Variants in GRID2 observed in about 807,000 individuals in gnomAD.
GRID2 encodes the protein glutamate receptor ionotropic, delta-2.
A neutral mutation model predicts 114.8 loss-of-function variants in GRID2; 33 were observed. The ratio of observed to expected loss-of-function variants is 0.29; its 90% confidence interval spans 0.22 to 0.38. GRID2 has a LOEUF of 0.38. Ranked by LOEUF, GRID2 falls within the 10% of genes least tolerant of loss-of-function variation. The probability of loss-of-function intolerance (pLI) is 1.00; values close to 1 mark genes in which losing one functional copy is unlikely to be tolerated. For synonymous variants in GRID2, 505 were observed against 449.9 expected (o/e 1.12, Z -1.55); for missense variants, 1,184 against 1,257.7 (o/e 0.94, Z 0.89).
intron 1 of GRID2, among the ~76,000 whole-genome samples, chr4:92,519,601 T>TTATA (rs141787614): frequency 4.0e-5 from 6 of 149,558 alleles, no homozygotes; most frequent in East Asian, 3.9e-4. Flanking sequence ...ATATATGAGA[T>TTATA]TATATATATA....
chr4:93,009,412 G>A (rs192299398), intron 2 of GRID2, among the ~76,000 whole-genome samples: 1 of 152,242 alleles, frequency 6.6e-6, no homozygotes, highest in Admixed American at 6.5e-5. Flanking sequence ...TCACCATCAG[G>A]AGGAGACCAC....
intron 3 of GRID2, among the ~76,000 whole-genome samples, chr4:93,106,208 C>G (rs528148849): frequency 1.3e-5 from 2 of 152,244 alleles, no homozygotes; most frequent in African/African-American, 4.8e-5. Flanking sequence ...AGGTCAGGAA[C>G]CATATATTCT....
intron 2 of GRID2, among the ~76,000 whole-genome samples, chr4:92,766,732 T>C (rs555013291): frequency 2.0e-4 from 30 of 152,306 alleles, no homozygotes; most frequent in African/African-American, 6.7e-4. Context: ...TTACTGAAGA[T>C]GCAGTTTCAT....
intron 2 of GRID2, among the ~76,000 whole-genome samples, chr4:92,673,503 T>C (rs1733176372): frequency 6.6e-6 from 1 of 152,228 alleles, no homozygotes; most frequent in Non-Finnish European, 1.5e-5. Flanking sequence ...TTTTAAGTTA[T>C]TTCCCTCTAC....
At chr4:93,072,278 A>C (rs1448121318) in intron 2 of GRID2, among the ~76,000 whole-genome samples, 1 of 152,196 alleles carries the variant, frequency 6.6e-6, no homozygotes, top group East Asian at 1.9e-4. Flanking sequence ...GACAGAACAC[A>C]AAACAGTCTG....
chr4:92,521,337 T>A (rs969193955), intron 1 of GRID2, among the ~76,000 whole-genome samples: 2 of 151,894 alleles, frequency 1.3e-5, no homozygotes, highest in African/African-American at 4.8e-5. Context: ...AACAAACAAG[T>A]ATAAAAACTA....
chr4:93,167,081 G>C (rs756671169), intron 4 of GRID2, among the ~76,000 whole-genome samples: 1 of 152,156 alleles, frequency 6.6e-6, no homozygotes, highest in Non-Finnish European at 1.5e-5. Flanking sequence ...GAGAGGTAGT[G>C]AAAGTGACAG....
At chr4:93,286,690 TGGGG>T (rs1249965684) in intron 8 of GRID2, among the ~76,000 whole-genome samples, 3,951 of 49,646 alleles carry the variant, frequency 0.08, 181 homozygotes, top group African/African-American at 0.23. Flanking sequence ...TGTGTGTGTG[TGGGG>T]GTGTGTGTGT....
chr4:92,929,383 A>T (rs962658917), intron 2 of GRID2, among the ~76,000 whole-genome samples: 1 of 150,786 alleles, frequency 6.6e-6, no homozygotes, highest in Non-Finnish European at 1.5e-5. Context: ...TATTTTGATT[A>T]AAAAAATTAT....
At chr4:92,390,985 T>C (rs1004431601) in intron 1 of GRID2, among the ~76,000 whole-genome samples, 2 of 152,176 alleles carry the variant, frequency 1.3e-5, no homozygotes, top group Non-Finnish European at 2.9e-5. Context: ...CCAGAGATTA[T>C]TGGATTCAAC....
At chr4:93,526,677 C>T (rs1322727832) in intron 13 of GRID2, among the ~76,000 whole-genome samples, 18 of 152,162 alleles carry the variant, frequency 1.2e-4, no homozygotes, top group African/African-American at 3.9e-4. Flanking sequence ...GGTGTGGTGG[C>T]GCATGCCTGT....
chr4:92,748,222 A>G (rs1737252426), intron 2 of GRID2, among the ~76,000 whole-genome samples: 1 of 152,184 alleles, frequency 6.6e-6, no homozygotes, highest in Non-Finnish European at 1.5e-5. Context: ...GAAAAATATA[A>G]CAGCTAAGGT....
At chr4:93,146,261 A>G (rs920793889) in intron 4 of GRID2, among the ~76,000 whole-genome samples, 3 of 152,190 alleles carry the variant, frequency 2.0e-5, no homozygotes, top group African/African-American at 7.2e-5. Flanking sequence ...TAATAGTGAC[A>G]TCGAGAGTTA....
chr4:93,299,718 A>T (rs903590347), intron 8 of GRID2, among the ~76,000 whole-genome samples: 9 of 152,002 alleles, frequency 5.9e-5, no homozygotes, highest in African/African-American at 1.9e-4. Flanking sequence ...TATATATAAA[A>T]AAAGGATTAA....
At chr4:93,547,388 C>T (rs1195362178) in intron 13 of GRID2, among the ~76,000 whole-genome samples, 1 of 152,074 alleles carries the variant, frequency 6.6e-6, no homozygotes, top group African/African-American at 2.4e-5. Flanking sequence ...ACATTTAATC[C>T]AGTAAATTTT....
intron 1 of GRID2, 137 bp downstream of exon 1, chr4:92,304,881 T>A (rs1725295231): frequency 1.4e-6 from 1 of 695,738 alleles, no homozygotes; most frequent in Non-Finnish European, 2.6e-6. Flanking sequence ...CCCGCTACCC[T>A]TCCCTCACAC....
At chr4:92,448,785 C>T in intron 1 of GRID2, among the ~76,000 whole-genome samples, 1 of 151,774 alleles carries the variant, frequency 6.6e-6, no homozygotes, top group South Asian at 2.1e-4. Context: ...AAAGCATAAA[C>T]ACATTTAAAT....
At chr4:93,418,147 C>T (rs2149361682) in intron 9 of GRID2, among the ~76,000 whole-genome samples, 1 of 151,704 alleles carries the variant, frequency 6.6e-6, no homozygotes, top group Admixed American at 6.6e-5. Context: ...GAATGCTATT[C>T]ACTCCTACTT....
chr4:92,467,878 T>C (rs1020174777), intron 1 of GRID2, among the ~76,000 whole-genome samples: 1 of 151,976 alleles, frequency 6.6e-6, no homozygotes, highest in African/African-American at 2.4e-5. Flanking sequence ...AAATGAAATC[T>C]TAGAAATCCT....
Sources: gnomAD v4.1 joint callset for allele counts (sites outside exome capture counted in the v4.1 genomes callset) on GRCh38, gnomAD v4.1.1 for gene constraint, MANE v1.5 for transcripts, NCBI Gene and HGNC (gene_info 2026-07-23, HGNC 2026-07-21) for gene names.